The following ZCCHC7 variants were observed in gnomAD, a reference collection of about 807,000 sequenced individuals.
ZCCHC7 encodes the protein zinc finger CCHC domain-containing protein 7.
A neutral mutation model predicts 52.0 loss-of-function variants in ZCCHC7; 35 were observed. The observed-to-expected ratio is 0.67, with a 90% CI of 0.51 to 0.89. The LOEUF is 0.89. Among genes scored for constraint, ZCCHC7 ranks in the 40% least tolerant of loss-of-function variants. The probability of loss-of-function intolerance (pLI) is 0.00; values close to 1 mark genes in which losing one functional copy is unlikely to be tolerated. For synonymous variants in ZCCHC7, 217 were observed against 221.5 expected (o/e 0.98, Z 0.18); for missense variants, 574 against 649.1 (o/e 0.88, Z 1.26).
chr9:37,196,350 G>A (rs1823284353), intron 2 of ZCCHC7, among the ~76,000 whole-genome samples: 1 of 152,100 alleles, frequency 6.6e-6, no homozygotes, highest in African/African-American at 2.4e-5. Context: ...GATCTCTGAT[G>A]GAACTAACAA....
At chr9:37,180,558 G>T (rs1166988285) in intron 2 of ZCCHC7, among the ~76,000 whole-genome samples, 1 of 152,026 alleles carries the variant, frequency 6.6e-6, no homozygotes, top group Non-Finnish European at 1.5e-5. Flanking sequence ...TACTTTGGTG[G>T]AATATTTTGA....
At chr9:37,241,358 C>T (rs1435721594) in intron 2 of ZCCHC7, among the ~76,000 whole-genome samples, 2 of 151,692 alleles carry the variant, frequency 1.3e-5, no homozygotes, top group Non-Finnish European at 3.0e-5. Context: ...TTTATGTATT[C>T]TTAGTTCCAA....
chr9:37,212,969 A>T (rs1189439428), intron 2 of ZCCHC7, among the ~76,000 whole-genome samples: 1 of 152,108 alleles, frequency 6.6e-6, no homozygotes, highest in Non-Finnish European at 1.5e-5. Context: ...TGACTTTTTA[A>T]TAGCTGTAAT....
At chr9:37,277,311 T>C in intron 2 of ZCCHC7, among the ~76,000 whole-genome samples, 1 of 152,276 alleles carries the variant, frequency 6.6e-6, no homozygotes, top group Non-Finnish European at 1.5e-5. Flanking sequence ...AATGTTTATA[T>C]ACACACACAT....
chr9:37,288,312 A>G (rs976515709), intron 2 of ZCCHC7, among the ~76,000 whole-genome samples: 1 of 142,262 alleles, frequency 7.0e-6, no homozygotes, highest in Admixed American at 7.0e-5. Flanking sequence ...ATCTATCTAT[A>G]TAGATAGATA....
At chr9:37,173,511 T>C (rs1410652098) in intron 2 of ZCCHC7, among the ~76,000 whole-genome samples, 3 of 152,252 alleles carry the variant, frequency 2.0e-5, no homozygotes, top group Non-Finnish European at 4.4e-5. Context: ...GATGGTATGT[T>C]TTGAAATTTA....
chr9:37,304,153 CA>C, intron 3 of ZCCHC7, 34 bp from the exon 4 acceptor site: 1 of 1,576,926 alleles, frequency 6.3e-7, no homozygotes, highest in Admixed American at 1.9e-5. Flanking sequence ...AGCAGTGAAA[CA>C]ATTTTTTTAA....
chr9:37,356,877 C>A lies in ZCCHC7; in HGVS notation c.1241C>A (p.Pro414His). The change falls in exon 9 of 9, where the codon CCT becomes CAT. Residue 414 changes from proline (P) to histidine (H), a missense_variant. This residue lies in a region of ZCCHC7 where 168 missense variants were observed against 171.6 expected (regional missense o/e 0.98). Transcript: ENST00000336755. ...GTTATCCCAGAGCCATCCAAGCTACCTTATATAAAAGCAGCAAATGAGAAC... is the reference window on the plus strand; with the variant it reads ...GTTATCCCAGAGCCATCCAAGCTACATTATATAAAAGCAGCAAATGAGAAC... The part of the protein sequence containing the change: ...NGVIPEPSKL[P>H]YIKAANENPH... 6.2e-7 allele frequency: 1 copy of A among 1,610,670 alleles called. No individual in the cohort carries two copies. Among genetic ancestry groups the A allele is most frequent in the South Asian group, 1.1e-5 (1 of 90,226 alleles).
At chr9:37,177,941 TTAAAAAC>T (rs1822133601) in intron 2 of ZCCHC7, among the ~76,000 whole-genome samples, 1 of 152,088 alleles carries the variant, frequency 6.6e-6, no homozygotes, top group Non-Finnish European at 1.5e-5. Context: ...CAGAAAAAAA[TTAAAAAC>T]TAAAGAAATC....
At chr9:37,209,986 C>G (rs768163733) in intron 2 of ZCCHC7, among the ~76,000 whole-genome samples, 1 of 151,860 alleles carries the variant, frequency 6.6e-6, no homozygotes, top group African/African-American at 2.4e-5. Context: ...AGGTTTCTTT[C>G]TTTTTCTGTT....
chr9:37,198,202 T>C (rs1823390034), intron 2 of ZCCHC7, among the ~76,000 whole-genome samples: 1 of 152,162 alleles, frequency 6.6e-6, no homozygotes. Flanking sequence ...TGCAGAGCCC[T>C]TCCTCAAAAA....
Position 37,342,213 on chromosome 9 carries a change from G to A in ZCCHC7, c.988-7144G>A, listed in dbSNP as rs117075062. On this transcript the variant is annotated intron_variant, in intron 6 of 8. Coordinates refer to ENST00000336755, the MANE Select transcript of ZCCHC7 (RefSeq NM_032226.3). ...GCCAACAAGCTTTGCTGATGGGCTG[G>A]GTATGAGGTATAAGCAAGAGACAAG... Among the ~76,000 whole-genome samples, 985 of 152,278 alleles carry A rather than the reference G, an allele frequency of 6.5e-3. 4 individuals are homozygous for A. Among genetic ancestry groups the A allele is most frequent in the Non-Finnish European group, 0.01 (705 of 68,020 alleles).
intron 5 of ZCCHC7, among the ~76,000 whole-genome samples, chr9:37,316,472 G>T (rs181259252): frequency 6.2e-4 from 92 of 147,812 alleles, no homozygotes; most frequent in Admixed American, 2.9e-3. Flanking sequence ...CTACAGGCAC[G>T]CACTACCCTG....
chr9:37,313,924 C>A (rs1158293561), intron 5 of ZCCHC7, among the ~76,000 whole-genome samples: 1 of 152,212 alleles, frequency 6.6e-6, no homozygotes, highest in African/African-American at 2.4e-5. Context: ...TGGACTAATA[C>A]AGTGTATAAC....
chr9:37,146,302 G>A (rs1588375734), intron 2 of ZCCHC7, among the ~76,000 whole-genome samples: 1 of 151,770 alleles, frequency 6.6e-6, no homozygotes, highest in Non-Finnish European at 1.5e-5. Context: ...TTTGGTTTCA[G>A]GCATAATGAA....
chr9:37,271,086 A>G (rs1410992185), intron 2 of ZCCHC7, among the ~76,000 whole-genome samples: 1 of 152,246 alleles, frequency 6.6e-6, no homozygotes, highest in Non-Finnish European at 1.5e-5. Flanking sequence ...GAAATAATGG[A>G]TTTAAAGAAT....
At chr9:37,263,580 T>G (rs1209800658) in intron 2 of ZCCHC7, among the ~76,000 whole-genome samples, 2 of 152,164 alleles carry the variant, frequency 1.3e-5, no homozygotes, top group East Asian at 1.9e-4. Context: ...ATCCTACAGT[T>G]AAGAACAAAA....
intron 2 of ZCCHC7, among the ~76,000 whole-genome samples, chr9:37,168,466 G>A (rs1447879188): frequency 6.6e-6 from 1 of 152,090 alleles, no homozygotes; most frequent in Admixed American, 6.5e-5. Context: ...TGTCAAAAAG[G>A]TTATAAAAAC....
chr9:37,306,729 C>T (rs1174646535), intron 5 of ZCCHC7, among the ~76,000 whole-genome samples: 2 of 127,860 alleles, frequency 1.6e-5, no homozygotes, highest in African/African-American at 5.8e-5. Context: ...TCCCAAAGTG[C>T]TGGGATTACA....
Sources: allele counts gnomAD v4.1 joint callset (sites outside exome capture counted in the v4.1 genomes callset), GRCh38; gene constraint gnomAD v4.1.1; regional missense constraint gnomAD v4.1.1; transcripts MANE v1.5; gene names NCBI Gene and HGNC (gene_info 2026-07-23, HGNC 2026-07-21).